Variants in GALR1 observed in about 807,000 individuals in gnomAD.
GALR1 encodes the protein galanin receptor 1.
In GALR1, 11 loss-of-function variants were observed where a neutral mutation model predicts 17.9. The ratio of observed to expected loss-of-function variants is 0.62; its 90% CI spans 0.39 to 1.02. The LOEUF (loss-of-function observed/expected upper bound fraction) is 1.02. GALR1 is among the 50% of genes least tolerant of loss of function. The pLI, the probability that GALR1 is intolerant of heterozygous loss-of-function variation, is 0.01. For missense variants in GALR1, 441 were observed against 456.9 expected (o/e 0.97, Z 0.32); for synonymous variants, 206 against 205.7 (o/e 1.00, Z -0.01).
intron 1 of GALR1, among the ~76,000 whole-genome samples, chr18:77,254,701 TC>T (rs1365879040): frequency 3.3e-5 from 5 of 152,192 alleles, no homozygotes; most frequent in African/African-American, 1.2e-4. Context: ...TCTCATTTGC[TC>T]CTGCAGGAAA....
At chr18:77,268,173 G>C (rs1277669407) in intron 2 of GALR1, among the ~76,000 whole-genome samples, 1 of 152,110 alleles carries the variant, frequency 6.6e-6, no homozygotes, top group Admixed American at 6.5e-5. Flanking sequence ...TTGGAGCAAA[G>C]TCCAGCGCTC....
rs1357470873 is a variant in GALR1 at position 77,268,640 on chromosome 18, A to C, written c.788A>C (p.His263Pro). The C allele has an allele frequency of 6.2e-7, 1 of 1,613,934 alleles. No individual in the cohort carries two copies. The highest frequency in any genetic ancestry group is 1.1e-5 in the South Asian group (1 of 91,070). The change falls in exon 3 of 3, where the codon CAC (histidine) becomes CCC (proline). Residue 263 changes from histidine (H) to proline (P), a missense_variant. Transcript: ENST00000299727. Reference protein sequence around the residue: ...VVVFGISWLPHHIIHLWAEFG... With the variant: ...VVVFGISWLPPHIIHLWAEFG... ...GTGTTTGGAATCTCCTGGCTGCCGC[A>C]CCACATCATCCATCTCTGGGCTGAG...
intron 2 of GALR1, among the ~76,000 whole-genome samples, chr18:77,267,146 G>C (rs1912960184): frequency 6.6e-6 from 1 of 152,234 alleles, no homozygotes; most frequent in Admixed American, 6.5e-5. Flanking sequence ...GAGGAGGCTG[G>C]GGAAGCACTC....
intron 2 of GALR1, among the ~76,000 whole-genome samples, chr18:77,263,104 G>A (rs1912868822): frequency 6.6e-6 from 1 of 152,212 alleles, no homozygotes; most frequent in African/African-American, 2.4e-5. Flanking sequence ...AATACCCGGA[G>A]GGTAACCATT....
At chr18:77,267,776 G>A (rs571118570) in intron 2 of GALR1, among the ~76,000 whole-genome samples, 3 of 152,304 alleles carry the variant, frequency 2.0e-5, no homozygotes, top group South Asian at 2.1e-4. Flanking sequence ...TGGAACAGAC[G>A]AGGTTGCCCT....
chr18:77,258,681 A>ATGG (rs1912674383), intron 2 of GALR1, among the ~76,000 whole-genome samples: 1 of 92,982 alleles, frequency 1.1e-5, no homozygotes, highest in African/African-American at 4.2e-5. Context: ...CATGGTGGTG[A>ATGG]TGGTGATGGT....
chr18:77,262,151 C>A (rs1912845735), intron 2 of GALR1, among the ~76,000 whole-genome samples: 1 of 151,508 alleles, frequency 6.6e-6, no homozygotes, highest in African/African-American at 2.4e-5. Context: ...AAGGCAGATT[C>A]CTGGGTAACT....
rs774918810 is a variant in GALR1 at position 77,268,769 on chromosome 18, T to G, written c.917T>G (p.Leu306Arg). Reference sequence around the variant, plus strand: ...GTGAATCCTATCATTTATGCATTTCTCTCTGAAAATTTCAGGAAGGCCTAT... The same window carrying G: ...GTGAATCCTATCATTTATGCATTTCGCTCTGAAAATTTCAGGAAGGCCTAT... Reference protein sequence around the residue: ...SSVNPIIYAFLSENFRKAYKQ... With the variant: ...SSVNPIIYAFRSENFRKAYKQ... The change falls in exon 3 of 3, where the codon CTC becomes CGC. Residue 306 changes from leucine (L) to arginine (R), a missense_variant. Physicochemically the swap from Leu to Arg is moderately radical, Grantham distance 102. Transcript: ENST00000299727. The G allele has an allele frequency of 1.2e-6, 2 of 1,614,182 alleles. No individual in the cohort carries two copies. Among genetic ancestry groups the G allele is most frequent in the Admixed American group, 1.7e-5 (1 of 60,024 alleles).
Position 77,256,156 on chromosome 18 carries a change from A to C in GALR1, c.667-2A>C. 6.3e-7 allele frequency: 1 copy of C among 1,586,934 alleles called. No homozygotes were observed. The highest frequency in any genetic ancestry group is 8.7e-7 in the Non-Finnish European group (1 of 1,155,666). ...CTGATTTCAATAGTCTGTGTCTTTC[A>C]GGTCCTTAATCACTTGCATAAAAAG... On this transcript the variant is annotated splice_acceptor_variant, in intron 1 of 2. Transcript: ENST00000299727. LOFTEE classifies it high-confidence loss of function.
chr18:77,267,631 A>G (rs541764843), intron 2 of GALR1, among the ~76,000 whole-genome samples: 17 of 152,204 alleles, frequency 1.1e-4, no homozygotes, highest in Admixed American at 3.9e-4. Context: ...TTTGTATTTT[A>G]TAGTTTAAAA....
At chr18:77,259,879 A>G (rs934523706) in intron 2 of GALR1, among the ~76,000 whole-genome samples, 7 of 151,986 alleles carry the variant, frequency 4.6e-5, no homozygotes, top group Admixed American at 6.6e-5. Flanking sequence ...AAGGAAAGCA[A>G]GAATACATGG....
Position 77,250,687 on chromosome 18 carries a change from G to A in GALR1, c.139G>A (p.Gly47Ser), listed in dbSNP as rs867878787. ...LVVFGLIFAL[G>S]VLGNSLVITV... is the part of the protein sequence containing the mutation. Reference sequence around the variant, plus strand: ...GGTGTTCGGCCTGATCTTCGCGCTGGGTGTGCTGGGCAACAGCCTAGTGAT... The same window carrying A: ...GGTGTTCGGCCTGATCTTCGCGCTGAGTGTGCTGGGCAACAGCCTAGTGAT... Residue 47 changes from glycine to serine, a missense_variant, in exon 1 of 3, where the codon GGT becomes AGT. Physicochemically the swap from Gly to Ser is moderately conservative, Grantham distance 56. Coordinates refer to ENST00000299727, the MANE Select transcript of GALR1 (RefSeq NM_001480.4). 1.2e-6 allele frequency: 2 copies of A among 1,613,274 alleles called. No homozygotes were observed. The highest frequency in any genetic ancestry group is 1.1e-5 in the South Asian group (1 of 91,078).
intron 1 of GALR1, among the ~76,000 whole-genome samples, chr18:77,252,351 C>T (rs1364825379): frequency 6.6e-6 from 1 of 152,224 alleles, no homozygotes; most frequent in Non-Finnish European, 1.5e-5. Flanking sequence ...CCGACTTCAC[C>T]GCTGTCTCTC....
chr18:77,261,781 T>C (rs1331930561), intron 2 of GALR1, among the ~76,000 whole-genome samples: 1 of 152,202 alleles, frequency 6.6e-6, no homozygotes, highest in African/African-American at 2.4e-5. Flanking sequence ...GTTGTGACTT[T>C]TATGTAATTC....
chr18:77,252,959 T>TCACCACCACCACCACCACCACCACCAC (rs1912488840), intron 1 of GALR1, among the ~76,000 whole-genome samples: 1 of 26,130 alleles, frequency 3.8e-5, no homozygotes, highest in Non-Finnish European at 7.9e-5. Flanking sequence ...ATCACCACCA[T>TCACCACCACCACCACCACCACCACCAC]CACCACCACC....
At position 77,257,997 on chromosome 18, in the gene GALR1, C is replaced by T. The variant is rs186837391; in HGVS notation, c.732+1774C>T. 9.9e-5 allele frequency among the ~76,000 whole-genome samples: 15 copies of T among 152,168 alleles called. No homozygotes were observed. The East Asian group carries it at 1.9e-3, about 20-fold the overall frequency. Reference sequence around the variant, plus strand: ...AACATTTGCTGAATCTTACTTGTGTCGATGGTAGTTTTAGTCTCCATATTT... The same window carrying T: ...AACATTTGCTGAATCTTACTTGTGTTGATGGTAGTTTTAGTCTCCATATTT... On this transcript the variant is annotated intron_variant, in intron 2 of 2. Transcript: ENST00000299727.
rs138190068 is a variant in GALR1, at chr18:77,275,749, A to G, written c.*6847A>G. On this transcript the variant is annotated 3_prime_UTR_variant, in exon 3 of 3. Coordinates refer to ENST00000299727, the MANE Select transcript of GALR1 (RefSeq NM_001480.4). ...AGGATCACCTAGCTTTGACGATGAG[A>G]GTGTTTTTTAAAACGGAAACCATGT... 7 of 152,280 alleles carry G rather than the reference A, an allele frequency of 4.6e-5. No individual in the cohort carries two copies. The highest frequency in any genetic ancestry group is 1.7e-4 in the African/African-American group (7 of 41,556). 9.4% of individuals were successfully genotyped at this position (152,280 alleles called of 1,614,324 possible).
chr18:77,268,208 C>T (rs149562334), intron 2 of GALR1, among the ~76,000 whole-genome samples: 214 of 152,214 alleles, frequency 1.4e-3, no homozygotes, highest in African/African-American at 4.7e-3. Context: ...GCTGGTGATA[C>T]AGCTGCGGTG....
rs1333570064 is a variant in GALR1 at position 77,250,180 on chromosome 18, A to G, written c.-369A>G. 6.6e-6 allele frequency among the ~76,000 whole-genome samples: 1 copy of G among 152,180 alleles called. No homozygotes were observed. Among genetic ancestry groups the G allele is most frequent in the Non-Finnish European group, 1.5e-5 (1 of 68,028 alleles). On this transcript the variant is annotated 5_prime_UTR_variant, in exon 1 of 3. Coordinates refer to ENST00000299727, the MANE Select transcript of GALR1 (RefSeq NM_001480.4). ...GCGAAGATCTGGAGCGGTAAGGCGG[A>G]GAGAAGGGTCTTTCCACCTGCGCGG...
Sources: gnomAD v4.1 joint callset for allele counts (sites outside exome capture counted in the v4.1 genomes callset) on GRCh38, gnomAD v4.1.1 for gene constraint, MANE v1.5 for transcripts, NCBI Gene and HGNC (gene_info 2026-07-23, HGNC 2026-07-21) for gene names.